The following MFSD6 variants were observed in gnomAD, a reference collection of about 807,000 sequenced individuals.
MFSD6 encodes major facilitator superfamily domain containing 6, also known as major facilitator superfamily domain-containing protein 6.
In MFSD6, 26 loss-of-function variants were observed where a neutral mutation model predicts 56.3. That is an observed-to-expected ratio of 0.46 (90% CI 0.34 to 0.64). The LOEUF (loss-of-function observed/expected upper bound fraction) is 0.64. MFSD6 is among the 30% of genes least tolerant of loss of function. The probability of loss-of-function intolerance (pLI) is 0.01; values close to 1 mark genes in which losing one functional copy is unlikely to be tolerated. For missense variants in MFSD6, 750 were observed against 986.2 expected (o/e 0.76, Z 3.21); for synonymous variants, 331 against 366.9 (o/e 0.90, Z 1.12).
chr2:190,418,005 T>TGAGA lies in MFSD6; in HGVS notation c.-54+2603_-54+2606dup, dbSNP rs1553516530. ...GTGTGTGTGTGTGTGTGTGTGTATG[T>TGAGA]GAGAGAGAGAGAGATGTGGTTTATC... On this transcript the variant is annotated intron_variant, in intron 2 of 7. Transcript: ENST00000392328. This position sits in a 1 kb window ranked among gnomAD's most constrained non-coding sequence, Gnocchi z 4.1. 3.3e-5 allele frequency among the ~76,000 whole-genome samples: 5 copies of TGAGA among 149,910 alleles called. No homozygotes were observed. The highest frequency in any genetic ancestry group is 7.4e-5 in the African/African-American group (3 of 40,782).
rs980845932 is a variant in MFSD6, at chr2:190,501,888, A to G, written c.*1670A>G. On this transcript the variant is annotated 3_prime_UTR_variant, in exon 8 of 8. Transcript: ENST00000392328. ...TTATTATGCTTGTGTAATTATAGAA[A>G]TAAAGAAATGGGTGACAGGCTTAAC... 6.6e-6 allele frequency: 1 copy of G among 152,664 alleles called. No individual in the cohort carries two copies. Among genetic ancestry groups the G allele is most frequent in the African/African-American group, 2.4e-5 (1 of 41,462 alleles). The allele number at this position is 152,664 out of a possible 1,614,324, so 9.5% of individuals were successfully genotyped here.
In MFSD6 at chr2:190,410,948, CAG is replaced by C. The variant is rs1460001870; in HGVS notation, c.-176+2446_-176+2447del. Among the ~76,000 whole-genome samples the C allele has an allele frequency of 6.6e-6, 1 of 151,400 alleles. No homozygotes were observed. The highest frequency in any genetic ancestry group is 1.5e-5 in the Non-Finnish European group (1 of 67,874). On this transcript the variant is annotated intron_variant, in intron 1 of 7. Coordinates refer to ENST00000392328, the MANE Select transcript of MFSD6 (RefSeq NM_017694.4). This position sits in a 1 kb window ranked among gnomAD's most constrained non-coding sequence, Gnocchi z 4.4. The stretch of plus-strand genomic sequence containing the variant: ...GCGGGCGCCTGGAATCCCAGCTACT[CAG>C]GGGGCTGAGGTAGAGAATTGCTTGA...
At chr2:190,486,416 T>C (rs1050470012) in intron 4 of MFSD6, among the ~76,000 whole-genome samples, 1 of 152,262 alleles carries the variant, frequency 6.6e-6, no homozygotes, top group Non-Finnish European at 1.5e-5. Context: ...CTATCTCCTC[T>C]CTGGCATTCT....
rs975257712 is a variant in MFSD6, at chr2:190,431,717, G to GGGGAGAGGGA, written c.-53-4248_-53-4239dup. On this transcript the variant is annotated intron_variant, in intron 2 of 7. Coordinates refer to ENST00000392328, the MANE Select transcript of MFSD6 (RefSeq NM_017694.4). This position sits in a 1 kb window ranked among gnomAD's most constrained non-coding sequence, Gnocchi z 4.4. ...GGAAAGAGAGGGAGAGGGAGACTGT[G>GGGGAGAGGGA]GGGAGAGGGAGGGAGAGGGAGAGGG... Among the ~76,000 whole-genome samples the GGGGAGAGGGA allele has an allele frequency of 1.3e-5, 2 of 152,186 alleles. No homozygotes were observed.
intron 2 of MFSD6, among the ~76,000 whole-genome samples, chr2:190,429,970 A>G (rs1467149052): frequency 6.6e-6 from 1 of 151,970 alleles, no homozygotes; most frequent in Non-Finnish European, 1.5e-5. Flanking sequence ...TACATTAGGT[A>G]TATCTCCTAA....
At chr2:190,478,171 C>T (rs955943803) in intron 4 of MFSD6, among the ~76,000 whole-genome samples, 9 of 152,276 alleles carry the variant, frequency 5.9e-5, no homozygotes, top group East Asian at 1.9e-4. Context: ...GGGCAGGCTA[C>T]GATACATACT....
rs565179311 is a variant in MFSD6 at position 190,496,218 on chromosome 2, C to A, written c.1892-1221C>A. Among the ~76,000 whole-genome samples the A allele has an allele frequency of 5.3e-5, 8 of 151,262 alleles. No individual in the cohort carries two copies. The highest frequency in any genetic ancestry group is 2.0e-4 in the Admixed American group (3 of 15,210). The stretch of plus-strand genomic sequence containing the variant: ...CAAGCAAAGATACACAAATGGCCAA[C>A]AAACATGAAACAATGGTCAACATCA... On this transcript the variant is annotated intron_variant, in intron 6 of 7. Transcript: ENST00000392328. This position sits in a 1 kb window ranked among gnomAD's most constrained non-coding sequence, Gnocchi z 4.7.
Position 190,437,054 on chromosome 2 carries a change from T to C in MFSD6, c.1025T>C (p.Val342Ala). The change falls in exon 3 of 8, where the codon GTG becomes GCG. Residue 342 changes from valine (V) to alanine (A), a missense_variant. By Grantham distance (64) the Val-to-Ala change is moderately conservative. Coordinates refer to ENST00000392328, the MANE Select transcript of MFSD6 (RefSeq NM_017694.4). The surrounding 1 kb of genome is among the most constrained non-coding windows in gnomAD (Gnocchi z 5.9). ...GGCTGGGGCCTGGCGATGCTGTCTG[T>C]GGGCATCGGGATCGACTACACCCAC... ...SLGWGLAMLS[V>A]GIGIDYTHIE... 1 of 1,614,196 alleles carries C rather than the reference T, an allele frequency of 6.2e-7. No individual in the cohort carries two copies. Among genetic ancestry groups the C allele is most frequent in the Non-Finnish European group, 8.5e-7 (1 of 1,180,034 alleles).
At position 190,423,809 on chromosome 2, in the gene MFSD6, C is replaced by T. The variant is rs769428914; in HGVS notation, c.-54+8396C>T. Among the ~76,000 whole-genome samples, 9 of 151,988 alleles carry T rather than the reference C, an allele frequency of 5.9e-5. No homozygotes were observed. The highest frequency in any genetic ancestry group is 5.9e-5 in the Non-Finnish European group (4 of 67,998). ...CTCCTTATCAGAATTCAGTGTTATC[C>T]CTATTTTTATTTTAACCATTCTTAT... On this transcript the variant is annotated intron_variant, in intron 2 of 7. Coordinates refer to ENST00000392328, the MANE Select transcript of MFSD6 (RefSeq NM_017694.4). This position sits in a 1 kb window ranked among gnomAD's most constrained non-coding sequence, Gnocchi z 4.3.
rs1288115911 is a variant in MFSD6 at position 190,411,528 on chromosome 2, G to A, written c.-176+3025G>A. The A allele has an allele frequency of 3.0e-6, 3 of 985,158 alleles. No homozygotes were observed. The East Asian group carries it at 3.4e-4, about 112-fold the overall frequency. 61.0% of individuals were successfully genotyped at this position (985,158 alleles called of 1,614,324 possible). A position where few individuals can be genotyped will look rare whatever the true frequency, so the allele number is the denominator to read the frequency against. On this transcript the variant is annotated intron_variant, in intron 1 of 7. Transcript: ENST00000392328. ...ATGTTTTTGCTTTTTACCTTATAAA[G>A]TTATGTTTGGGCTTAAAATTTTGTT...
intron 3 of MFSD6, among the ~76,000 whole-genome samples, chr2:190,450,251 G>C: frequency 6.6e-6 from 1 of 152,150 alleles, no homozygotes; most frequent in African/African-American, 2.4e-5. Context: ...ATATCTGGCA[G>C]ACTGCAATTA....
In MFSD6 at chr2:190,461,891, A is replaced by C. The variant is rs372880210; in HGVS notation, c.1533-7867A>C. 1.4e-4 allele frequency among the ~76,000 whole-genome samples: 22 copies of C among 152,218 alleles called. No homozygotes were observed. The South Asian group carries it at 4.6e-3, about 32-fold the overall frequency. On this transcript the variant is annotated intron_variant, in intron 3 of 7. Coordinates refer to ENST00000392328, the MANE Select transcript of MFSD6 (RefSeq NM_017694.4). The surrounding 1 kb of genome is among the most constrained non-coding windows in gnomAD (Gnocchi z 5.5). Reference sequence around the variant, plus strand: ...ATGAACCTTAATATACTTTCAGAACAATCTGAGAGCAGAAGTCTTTTAATT... The same window carrying C: ...ATGAACCTTAATATACTTTCAGAACCATCTGAGAGCAGAAGTCTTTTAATT...
intron 4 of MFSD6, among the ~76,000 whole-genome samples, chr2:190,474,190 G>A (rs1374272740): frequency 6.6e-6 from 1 of 152,024 alleles, no homozygotes; most frequent in Non-Finnish European, 1.5e-5. Flanking sequence ...TCAAAAGCTA[G>A]CAGAAGGCAA....
chr2:190,445,906 A>AT, intron 3 of MFSD6, among the ~76,000 whole-genome samples: 1 of 152,278 alleles, frequency 6.6e-6, no homozygotes, highest in East Asian at 1.9e-4. Context: ...CAGAGCTGAG[A>AT]TTTAAAAACA....
chr2:190,422,959 A>AGGAGTGGGAATAGGGTTATGAT (rs1575821745), intron 2 of MFSD6, among the ~76,000 whole-genome samples: 2 of 151,954 alleles, frequency 1.3e-5, no homozygotes, highest in East Asian at 1.9e-4. Context: ...CAAAGTCAAC[A>AGGAGTGGGAATAGGGTTATGAT]CTTCATGAAA....
rs371537200 is a variant in MFSD6 at position 190,437,362 on chromosome 2, G to A, written c.1333G>A (p.Val445Met). 20 of 1,614,106 alleles carry A rather than the reference G, an allele frequency of 1.2e-5. No individual in the cohort carries two copies. The highest frequency in any genetic ancestry group is 3.3e-5 in the Admixed American group (2 of 60,012). The part of the protein sequence containing the change: ...FWDLIKLLCS[V>M]QYGSVLFVAW... ...GGACTTAATCAAGCTGCTCTGCAGC[G>A]TGCAGTATGGCTCAGTGCTGTTTGT... Residue 445 changes from valine to methionine, a missense_variant, in exon 3 of 8, where the codon GTG becomes ATG. Val to Met is a conservative substitution (Grantham distance 21, BLOSUM62 1). Transcript: ENST00000392328. This position sits in a 1 kb window ranked among gnomAD's most constrained non-coding sequence, Gnocchi z 5.9.
chr2:190,441,036 T>G (rs1307432971), intron 3 of MFSD6, among the ~76,000 whole-genome samples: 1 of 152,196 alleles, frequency 6.6e-6, no homozygotes, highest in African/African-American at 2.4e-5. Flanking sequence ...GAAGAAACTC[T>G]GCAGCCGGGT....
intron 4 of MFSD6, among the ~76,000 whole-genome samples, chr2:190,484,351 A>G (rs56337518): frequency 0.24 from 36,986 of 152,240 alleles, 5,269 homozygotes; most frequent in South Asian, 0.34. Context: ...TGCTTATTTC[A>G]TCACATAAAG....
chr2:190,490,014 G>T lies in MFSD6; in HGVS notation c.1891+148G>T. 1.6e-6 allele frequency: 1 copy of T among 619,394 alleles called. No homozygotes were observed. The highest frequency in any genetic ancestry group is 2.8e-5 in the East Asian group (1 of 35,204). 38.4% of individuals were successfully genotyped at this position (619,394 alleles called of 1,614,324 possible). On this transcript the variant is annotated intron_variant, in intron 6 of 7. Transcript: ENST00000392328. This position sits in a 1 kb window ranked among gnomAD's most constrained non-coding sequence, Gnocchi z 4.5. ...AGTGGCGTATCGATGAATTCATGTG[G>T]ACTATTGTTAAAGAGATCCACCTAC... is the stretch of plus-strand genomic sequence containing the variant.
Sources: gnomAD v4.1 joint callset for allele counts (sites outside exome capture counted in the v4.1 genomes callset) on GRCh38, gnomAD v4.1.1 for gene constraint, Gnocchi (gnomAD v3.1) non-coding constraint, MANE v1.5 for transcripts, NCBI Gene and HGNC (gene_info 2026-07-23, HGNC 2026-07-21) for gene names.